Variants in SLC16A10 observed in about 807,000 individuals in gnomAD.
The protein encoded by SLC16A10 is solute carrier family 16 member 10.
SLC16A10 carries 27 observed loss-of-function variants against 40.0 expected under a neutral mutation model. The ratio of observed to expected loss-of-function variants is 0.67; its 90% CI spans 0.50 to 0.93. The LOEUF is 0.93. Among genes scored for constraint, SLC16A10 ranks in the 40% least tolerant of loss-of-function variants. The probability of loss-of-function intolerance (pLI) is 0.00; values close to 1 mark genes in which losing one functional copy is unlikely to be tolerated. For synonymous variants in SLC16A10, 213 were observed against 249.8 expected (o/e 0.85, Z 1.39); for missense variants, 529 against 658.2 (o/e 0.80, Z 2.15).
intron 1 of SLC16A10, 47 bp downstream of exon 1, chr6:111,088,142 GC>G: frequency 6.4e-7 from 1 of 1,558,054 alleles, no homozygotes; most frequent in South Asian, 1.2e-5. Flanking sequence ...CCCGCGTGGG[GC>G]CCCCGAGCGC....
At chr6:111,202,997 C>T (rs1259147022) in intron 3 of SLC16A10, among the ~76,000 whole-genome samples, 1 of 150,976 alleles carries the variant, frequency 6.6e-6, no homozygotes, top group African/African-American at 2.4e-5. Flanking sequence ...AACTGCTCTA[C>T]AGCATAATAT....
intron 3 of SLC16A10, among the ~76,000 whole-genome samples, chr6:111,185,310 G>A (rs1772875699): frequency 1.3e-5 from 2 of 152,130 alleles, no homozygotes; most frequent in South Asian, 4.1e-4. Context: ...TGCTAATCCA[G>A]AGATAGGAGT....
Position 111,092,315 on chromosome 6 carries a change from GTT to G in SLC16A10, c.343+4241_343+4242del, listed in dbSNP as rs1173275647. Among the ~76,000 whole-genome samples, 647 of 98,528 alleles carry G rather than the reference GTT, an allele frequency of 6.6e-3. 6 individuals are homozygous for G. The highest frequency in any genetic ancestry group is 0.025 in the African/African-American group (608 of 24,434). 64.6% of individuals were successfully genotyped at this position (98,528 alleles called of 152,430 possible). A position where few individuals can be genotyped will look rare whatever the true frequency, so the allele number is the denominator to read the frequency against. ...AGCTTGAGTTGTCTCTTTTTTTGTTGTTTTTTTTTTTTTTTTTTTTTTGAGAC... is the reference window on the plus strand; with the variant it reads ...AGCTTGAGTTGTCTCTTTTTTTGTTGTTTTTTTTTTTTTTTTTTTTGAGAC... On this transcript the variant is annotated intron_variant, in intron 1 of 5. Transcript: ENST00000368851.
intron 1 of SLC16A10, among the ~76,000 whole-genome samples, chr6:111,161,822 G>A (rs1772377273): frequency 6.6e-6 from 1 of 152,042 alleles, no homozygotes; most frequent in African/African-American, 2.4e-5. Flanking sequence ...GCTTTGGTCA[G>A]CTTCTTTGGT....
At chr6:111,140,411 T>C (rs1392629691) in intron 1 of SLC16A10, among the ~76,000 whole-genome samples, 1 of 151,814 alleles carries the variant, frequency 6.6e-6, no homozygotes, top group South Asian at 2.1e-4. Context: ...TGCAGTGAGC[T>C]GTGATCATGC....
chr6:111,138,739 G>A (rs1478032591), intron 1 of SLC16A10, among the ~76,000 whole-genome samples: 3 of 151,814 alleles, frequency 2.0e-5, no homozygotes, highest in Non-Finnish European at 4.4e-5. Context: ...TCCTGCCTCA[G>A]CCTTCCAAGT....
chr6:111,222,442 CTG>C lies in SLC16A10; in HGVS notation c.*208_*209del. 1 of 459,502 alleles carries C rather than the reference CTG, an allele frequency of 2.2e-6. No homozygotes were observed. Among genetic ancestry groups the C allele is most frequent in the South Asian group, 3.1e-5 (1 of 31,806 alleles). 28.5% of individuals were successfully genotyped at this position (459,502 alleles called of 1,614,324 possible). On this transcript the variant is annotated 3_prime_UTR_variant, in exon 6 of 6. Transcript: ENST00000368851. ...TTCCATGAGTCTGAGGGCAGAGACT[CTG>C]GTATATGAAAACGTCTGAAAGTCAC...
At chr6:111,111,056 A>C (rs1033288411) in intron 1 of SLC16A10, among the ~76,000 whole-genome samples, 54 of 152,312 alleles carry the variant, frequency 3.5e-4, no homozygotes, top group African/African-American at 1.2e-3. Context: ...AATTACTGCC[A>C]GTTCTGTACA....
chr6:111,177,368 C>A lies in SLC16A10; in HGVS notation c.645C>A (p.Ile215=). 3 of 1,613,838 alleles carry A rather than the reference C, an allele frequency of 1.9e-6. No individual in the cohort carries two copies. The South Asian group carries it at 3.3e-5, about 18-fold the overall frequency. The change falls in exon 3 of 6, where the codon ATC becomes ATA. Residue 215 remains isoleucine, a synonymous_variant. Transcript: ENST00000368851. ...IVTAGSSVFT[I]LLPLLLRVLI... ...CTGCTGGCAGCAGTGTCTTCACAAT[C>A]CTGCTGCCTTTGCTCTTAAGGGTTC...
chr6:111,128,322 T>G (rs1771713766), intron 1 of SLC16A10, among the ~76,000 whole-genome samples: 1 of 152,218 alleles, frequency 6.6e-6, no homozygotes, highest in Non-Finnish European at 1.5e-5. Flanking sequence ...ACAGAGTGGT[T>G]AATTAATCTG....
Position 111,216,398 on chromosome 6 carries a change from ATTCTT to A in SLC16A10, c.1087-2403_1087-2399del, listed in dbSNP as rs529634213. On this transcript the variant is annotated intron_variant, in intron 4 of 5. Transcript: ENST00000368851. ...CTTATTTTTCAAATGCCCAACTCGT[ATTCTT>A]TTCTTTTCTTTTTTTTTTGAGAGGG... Among the ~76,000 whole-genome samples, 1,400 of 151,852 alleles carry A rather than the reference ATTCTT, an allele frequency of 9.2e-3. 20 individuals are homozygous for A. Among genetic ancestry groups the A allele is most frequent in the African/African-American group, 0.032 (1,334 of 41,444 alleles).
chr6:111,127,526 T>C (rs1224964274), intron 1 of SLC16A10, among the ~76,000 whole-genome samples: 1 of 152,166 alleles, frequency 6.6e-6, no homozygotes, highest in Non-Finnish European at 1.5e-5. Context: ...GTGTCTTATT[T>C]TGGGCGGGCG....
At chr6:111,204,980 G>A (rs1349950531) in intron 3 of SLC16A10, among the ~76,000 whole-genome samples, 1 of 151,452 alleles carries the variant, frequency 6.6e-6, no homozygotes, top group Non-Finnish European at 1.5e-5. Context: ...CTACTTCTGA[G>A]TCAAAGATCA....
chr6:111,096,756 G>A (rs1876905), intron 1 of SLC16A10, among the ~76,000 whole-genome samples: 123,147 of 152,160 alleles, frequency 0.81, 49,986 homozygotes, highest in Non-Finnish European at 0.85. Flanking sequence ...AATACTGAAT[G>A]TGGACCAAAG....
chr6:111,138,458 A>T (rs1367189868), intron 1 of SLC16A10, among the ~76,000 whole-genome samples: 1 of 152,244 alleles, frequency 6.6e-6, no homozygotes, highest in African/African-American at 2.4e-5. Flanking sequence ...TCTTCAGAGA[A>T]CTGGCCTTGA....
chr6:111,225,494 G>C lies in SLC16A10; in HGVS notation c.*3259G>C, dbSNP rs1002034634. On this transcript the variant is annotated 3_prime_UTR_variant, in exon 6 of 6. Transcript: ENST00000368851. The stretch of plus-strand genomic sequence containing the variant: ...GAATCCAGGAGGCAGAGGTTGCAGT[G>C]AGGCGAGATTGCGCCACTGCACTCC... The C allele has an allele frequency of 6.7e-6, 1 of 150,272 alleles. No individual in the cohort carries two copies. The highest frequency in any genetic ancestry group is 1.5e-5 in the Non-Finnish European group (1 of 67,876). The allele number at this position is 150,272 out of a possible 1,614,324, so 9.3% of individuals were successfully genotyped here.
At chr6:111,124,338 T>C (rs1771634349) in intron 1 of SLC16A10, among the ~76,000 whole-genome samples, 1 of 151,680 alleles carries the variant, frequency 6.6e-6, no homozygotes, top group Non-Finnish European at 1.5e-5. Flanking sequence ...CTTTTATTAA[T>C]TCTTCCCCAA....
intron 3 of SLC16A10, among the ~76,000 whole-genome samples, chr6:111,180,943 G>T (rs764192482): frequency 2.0e-5 from 3 of 152,158 alleles, no homozygotes; most frequent in Non-Finnish European, 4.4e-5. Context: ...GGCCTGGTGC[G>T]GTGGCTCACC....
At chr6:111,113,803 C>T (rs1771435028) in intron 1 of SLC16A10, among the ~76,000 whole-genome samples, 1 of 152,122 alleles carries the variant, frequency 6.6e-6, no homozygotes, top group African/African-American at 2.4e-5. Flanking sequence ...GTCTCAGTCG[C>T]CCTTTCTTTG....
Sources: gnomAD v4.1 joint callset for allele counts (sites outside exome capture counted in the v4.1 genomes callset) on GRCh38, gnomAD v4.1.1 for gene constraint, MANE v1.5 for transcripts, NCBI Gene and HGNC (gene_info 2026-07-23, HGNC 2026-07-21) for gene names.